BMERB1: variants seen among roughly 807,000 people sequenced by gnomAD.
The protein encoded by BMERB1 is bMERB domain-containing protein 1.
A neutral mutation model predicts 23.6 loss-of-function variants in BMERB1; 12 were observed. The observed-to-expected ratio is 0.51, with a 90% CI of 0.33 to 0.82. The LOEUF (loss-of-function observed/expected upper bound fraction) is 0.82. BMERB1 is among the 40% of genes least tolerant of loss of function. The pLI is 0.03. For synonymous variants in BMERB1, 122 were observed against 96.6 expected, an observed-to-expected ratio of 1.26 and a Z score of -1.54; for missense variants, 247 against 255.4, an observed-to-expected ratio of 0.97 and a Z score of 0.22.
intron 2 of BMERB1, among the ~76,000 whole-genome samples, chr16:15,557,202 C>T (rs1433776112): frequency 6.6e-6 from 1 of 152,190 alleles, no homozygotes; most frequent in Non-Finnish European, 1.5e-5. Context: ...GACCAAGATG[C>T]TGAATGACAC....
At chr16:15,536,529 A>G (rs1050885559) in intron 2 of BMERB1, 2 of 152,356 alleles carry the variant, frequency 1.3e-5, no homozygotes, top group Admixed American at 6.5e-5. Context: ...GCCCCAGAGC[A>G]CGTAGTGACC....
chr16:15,497,510 A>G (rs2051484508), intron 1 of BMERB1, among the ~76,000 whole-genome samples: 1 of 152,196 alleles, frequency 6.6e-6, no homozygotes, highest in Non-Finnish European at 1.5e-5. Flanking sequence ...AGAAAGAAAA[A>G]AACTGTCTAT....
At chr16:15,560,565 G>A (rs2030388018) in intron 2 of BMERB1, among the ~76,000 whole-genome samples, 1 of 152,156 alleles carries the variant, frequency 6.6e-6, no homozygotes, top group Non-Finnish European at 1.5e-5. Flanking sequence ...GCTGAGGTGG[G>A]TGGATTGCTT....
At position 15,500,995 on chromosome 16, in the gene BMERB1, T is replaced by C. The variant is rs1458911320; in HGVS notation, c.107-14310T>C. Among the ~76,000 whole-genome samples, 3 of 152,180 alleles carry C rather than the reference T, an allele frequency of 2.0e-5. No homozygotes were observed. The East Asian group carries it at 5.8e-4, about 29-fold the overall frequency. ...AAGGGTAAAATATACATACTGGACT[T>C]AAGACTTCCATACTCCCTCCAAAAA... On this transcript the variant is annotated intron_variant, in intron 1 of 5. Transcript: ENST00000300006.
chr16:15,558,332 A>C (rs920998201), intron 2 of BMERB1, among the ~76,000 whole-genome samples: 1 of 152,160 alleles, frequency 6.6e-6, no homozygotes, highest in Non-Finnish European at 1.5e-5. Flanking sequence ...TTTATGGAAT[A>C]AAGGAGCAGG....
At chr16:15,470,825 C>CTTTTT (rs35873574) in intron 1 of BMERB1, among the ~76,000 whole-genome samples, 2 of 49,388 alleles carry the variant, frequency 4.0e-5, no homozygotes, top group Non-Finnish European at 7.7e-5. Flanking sequence ...CACCTGGCCT[C>CTTTTT]TTTTTTTTTT....
chr16:15,545,314 T>TA (rs1243498589), intron 2 of BMERB1, among the ~76,000 whole-genome samples: 12 of 152,090 alleles, frequency 7.9e-5, no homozygotes, highest in African/African-American at 2.9e-4. Flanking sequence ...CTCTTACTGA[T>TA]ATCTGCCCAC....
intron 2 of BMERB1, among the ~76,000 whole-genome samples, chr16:15,539,314 G>A (rs1026686514): frequency 3.9e-5 from 6 of 152,088 alleles, no homozygotes; most frequent in African/African-American, 1.4e-4. Context: ...AGGAGGGGGA[G>A]CTCAGCCGGT....
chr16:15,465,927 T>C (rs1244310533), intron 1 of BMERB1, among the ~76,000 whole-genome samples: 1 of 152,240 alleles, frequency 6.6e-6, no homozygotes, highest in African/African-American at 2.4e-5. Context: ...ATTCTTTTAA[T>C]TTTTTAACTG....
At chr16:15,469,126 G>T (rs1019042080) in intron 1 of BMERB1, among the ~76,000 whole-genome samples, 8 of 151,810 alleles carry the variant, frequency 5.3e-5, no homozygotes, top group African/African-American at 1.9e-4. Flanking sequence ...ACCACACCTG[G>T]CTAACTTTTG....
chr16:15,481,605 G>A (rs1309781453), intron 1 of BMERB1, among the ~76,000 whole-genome samples: 1 of 151,934 alleles, frequency 6.6e-6, no homozygotes, highest in Non-Finnish European at 1.5e-5. Flanking sequence ...GGGATTGGAA[G>A]AGAGATGTCA....
rs554200630 is a variant in BMERB1, at chr16:15,570,546, G to A, written c.304+2490G>A. Among the ~76,000 whole-genome samples, 7 of 152,134 alleles carry A rather than the reference G, an allele frequency of 4.6e-5. No homozygotes were observed. In the South Asian group the frequency reaches 8.3e-4, roughly 18 times the overall value. Reference sequence around the variant, plus strand: ...GGCCATTAGCACAACGTACCTCTCCGCTACCCCTCAATGGTGATGTTACCT... The same window carrying A: ...GGCCATTAGCACAACGTACCTCTCCACTACCCCTCAATGGTGATGTTACCT... On this transcript the variant is annotated intron_variant, in intron 3 of 5. Transcript: ENST00000300006.
chr16:15,524,619 A>G (rs1330025477), intron 2 of BMERB1, among the ~76,000 whole-genome samples: 1 of 152,088 alleles, frequency 6.6e-6, no homozygotes, highest in Non-Finnish European at 1.5e-5. Context: ...AATACAAAAA[A>G]ATTAGCTAGG....
chr16:15,482,612 A>G (rs2051331200), intron 1 of BMERB1, among the ~76,000 whole-genome samples: 1 of 152,176 alleles, frequency 6.6e-6, no homozygotes, highest in African/African-American at 2.4e-5. Context: ...GCCATGACTC[A>G]TGCTACCTTC....
At position 15,568,056 on chromosome 16, in the gene BMERB1, G is replaced by C. The variant is rs749552846; in HGVS notation, c.304G>C (p.Glu102Gln). 5 of 1,613,834 alleles carry C rather than the reference G, an allele frequency of 3.1e-6. No individual in the cohort carries two copies. The highest frequency in any genetic ancestry group is 4.2e-6 in the Non-Finnish European group (5 of 1,179,838). Residue 102 changes from glutamate (E) to glutamine (Q), a missense_variant and splice_region_variant, in exon 3 of 6, where the codon GAA becomes CAA. Glu to Gln is a conservative substitution (Grantham distance 29). Transcript: ENST00000300006. The part of the protein sequence containing the change: ...QELQNLVAIP[E>Q]KEKTKLQKQR... ...GCTGCAGAACTTGGTCGCCATCCCA[G>C]GTAACCATTTGCAACTTCACCTTGT...
At chr16:15,455,174 A>G (rs969978449) in intron 1 of BMERB1, among the ~76,000 whole-genome samples, 4 of 151,780 alleles carry the variant, frequency 2.6e-5, no homozygotes, top group Non-Finnish European at 2.9e-5. Flanking sequence ...AGATACAGAC[A>G]TTAGCCGGGC....
chr16:15,558,385 G>A (rs1313660428), intron 2 of BMERB1, among the ~76,000 whole-genome samples: 3 of 152,074 alleles, frequency 2.0e-5, no homozygotes, highest in Admixed American at 6.6e-5. Flanking sequence ...GCAAGGAAAA[G>A]TGAGGTCATT....
intron 2 of BMERB1, among the ~76,000 whole-genome samples, chr16:15,563,285 A>G (rs1235653984): frequency 2.0e-5 from 3 of 151,248 alleles, no homozygotes; most frequent in South Asian, 2.1e-4. Flanking sequence ...CAGTGGCGCA[A>G]TCTTGGCCCG....
intron 1 of BMERB1, among the ~76,000 whole-genome samples, chr16:15,468,448 T>C (rs1245476817): frequency 1.3e-5 from 2 of 151,964 alleles, no homozygotes; most frequent in Non-Finnish European, 2.9e-5. Context: ...CCTGACCTGA[T>C]TGTAAATGTT....
Sources: allele counts gnomAD v4.1 joint callset (sites outside exome capture counted in the v4.1 genomes callset), GRCh38; gene constraint gnomAD v4.1.1; transcripts MANE v1.5; gene names NCBI Gene and HGNC (gene_info 2026-07-23, HGNC 2026-07-21).